Variants in EMX2 observed in about 807,000 individuals in gnomAD.
EMX2 encodes the protein empty spiracles homeobox 2.
A neutral mutation model predicts 23.0 loss-of-function variants in EMX2; 6 were observed. That is an observed-to-expected ratio of 0.26 (90% CI 0.14 to 0.52). The LOEUF is 0.52. EMX2 is among the 20% of genes least tolerant of loss of function. EMX2 has a pLI of 0.97. For missense variants in EMX2, 302 were observed against 341.4 expected (o/e 0.88, Z 0.91); for synonymous variants, 175 against 153.3 (o/e 1.14, Z -1.04).
intron 2 of EMX2, among the ~76,000 whole-genome samples, chr10:117,547,063 G>A (rs368846702): frequency 1.2e-3 from 180 of 152,322 alleles, no homozygotes; most frequent in African/African-American, 4.2e-3. Context: ...GTACACCACT[G>A]CTGTGAAGAT....
At chr10:117,544,831 G>A (rs543152640) in intron 1 of EMX2, 2 of 152,278 alleles carry the variant, frequency 1.3e-5, no homozygotes, top group South Asian at 4.2e-4. Flanking sequence ...AAACTCTGAG[G>A]CTTTGCTTGA....
Position 117,543,021 on chromosome 10 carries a change from A to T in EMX2, c.-247A>T. 5.3e-6 allele frequency: 2 copies of T among 379,614 alleles called. No individual in the cohort carries two copies. The highest frequency in any genetic ancestry group is 9.1e-6 in the Non-Finnish European group (2 of 218,618). 23.5% of individuals were successfully genotyped at this position (379,614 alleles called of 1,614,324 possible). Reference sequence around the variant, plus strand: ...TGGAAGGATTTTCCCCCCTCTCTTCAGGTTGGGCGCGTTTGGTGCAAGATT... The same window carrying T: ...TGGAAGGATTTTCCCCCCTCTCTTCTGGTTGGGCGCGTTTGGTGCAAGATT... On this transcript the variant is annotated 5_prime_UTR_variant, in exon 1 of 3. Coordinates refer to ENST00000553456, the MANE Select transcript of EMX2 (RefSeq NM_004098.4).
At chr10:117,546,165 G>C (rs1439662714) in intron 2 of EMX2, among the ~76,000 whole-genome samples, 1 of 152,180 alleles carries the variant, frequency 6.6e-6, no homozygotes, top group Non-Finnish European at 1.5e-5. Flanking sequence ...GCACAGTGGG[G>C]TTTCTGGGTG....
chr10:117,548,254 G>T lies in EMX2; in HGVS notation c.*22G>T. Reference sequence around the variant, plus strand: ...TTAAAAACATAAACCTAACCCCACAGAAACGGACAACATGGAGCAAAAGAG... The same window carrying T: ...TTAAAAACATAAACCTAACCCCACATAAACGGACAACATGGAGCAAAAGAG... On this transcript the variant is annotated 3_prime_UTR_variant, in exon 3 of 3. Coordinates refer to ENST00000553456, the MANE Select transcript of EMX2 (RefSeq NM_004098.4). The T allele has an allele frequency of 6.2e-7, 1 of 1,612,504 alleles. No individual in the cohort carries two copies. Among genetic ancestry groups the T allele is most frequent in the Non-Finnish European group, 8.5e-7 (1 of 1,179,298 alleles).
In EMX2 at chr10:117,542,929, A is replaced by G. The variant is rs866394286; in HGVS notation, c.-339A>G. 320 of 145,478 alleles carry G rather than the reference A, an allele frequency of 2.2e-3. 2 individuals carry two copies. Among genetic ancestry groups the G allele is most frequent in the African/African-American group, 8.1e-3 (293 of 36,040 alleles). The allele number at this position is 145,478 out of a possible 1,614,324, so 9.0% of individuals were successfully genotyped here. On this transcript the variant is annotated 5_prime_UTR_variant, in exon 1 of 3. Transcript: ENST00000553456. ...CCATCTCGCCAAAAAAAAAAAAAAAAAAAAAAAAGAAAAAAAAAGAAAAAA... is the reference window on the plus strand; with the variant it reads ...CCATCTCGCCAAAAAAAAAAAAAAAGAAAAAAAAGAAAAAAAAAGAAAAAA...
chr10:117,546,298 T>C (rs1051941568), intron 2 of EMX2, among the ~76,000 whole-genome samples: 28 of 152,060 alleles, frequency 1.8e-4, no homozygotes, highest in Admixed American at 1.7e-3. Flanking sequence ...GATGGGAAGG[T>C]AGAGGGCAAG....
Position 117,548,422 on chromosome 10 carries a change from A to G in EMX2, c.*190A>G. On this transcript the variant is annotated 3_prime_UTR_variant, in exon 3 of 3. Coordinates refer to ENST00000553456, the MANE Select transcript of EMX2 (RefSeq NM_004098.4). ...AGCGAGGGCACAGGGTCCCAAACCG[A>G]GGCCGCGCCAAGATGGCAGAGGATG... The G allele has an allele frequency of 1.1e-6, 1 of 876,874 alleles. No individual in the cohort carries two copies. Among genetic ancestry groups the G allele is most frequent in the South Asian group, 1.8e-5 (1 of 55,892 alleles). The allele number at this position is 876,874 out of a possible 1,614,324, so 54.3% of individuals were successfully genotyped here.
Position 117,545,633 on chromosome 10 carries a change from G to C in EMX2, c.408G>C (p.Gly136=), listed in dbSNP as rs1350852601. Residue 136 remains glycine (G), a splice_region_variant and synonymous_variant, in exon 2 of 3, where the codon GGG becomes GGC. Coordinates refer to ENST00000553456, the MANE Select transcript of EMX2 (RefSeq NM_004098.4). The part of the protein sequence containing the change: ...RYRYLGHRFQ[G]NDTSPESFLL... ...GGATTTCTGCTGTGCTCCCCGCAGG[G>C]AACGACACTAGCCCCGAGAGTTTCC... 1.2e-6 allele frequency: 2 copies of C among 1,613,794 alleles called. No individual in the cohort carries two copies. Among genetic ancestry groups the C allele is most frequent in the Non-Finnish European group, 1.7e-6 (2 of 1,179,998 alleles).
In EMX2 at chr10:117,543,443, C is replaced by A. The variant is rs1243726908; in HGVS notation, c.176C>A (p.Ala59Asp). Residue 59 changes from alanine to aspartate, a missense_variant, in exon 1 of 3, where the codon GCC (alanine) becomes GAC (aspartate). By Grantham distance (126) the Ala-to-Asp change is moderately radical (BLOSUM62 -2). This residue lies in a region of EMX2 where 221 missense variants were observed against 206.8 expected (regional missense o/e 1.07). Transcript: ENST00000553456. Reference sequence around the variant, plus strand: ...TTCCACTCGGCCGCCGCCGCCGCCGCCGGTAGGGGCGTCTACTCCAACCCG... The same window carrying A: ...TTCCACTCGGCCGCCGCCGCCGCCGACGGTAGGGGCGTCTACTCCAACCCG... Reference protein sequence around the residue: ...NGFHSAAAAAAGRGVYSNPDL... With the variant: ...NGFHSAAAAADGRGVYSNPDL... The A allele has an allele frequency of 1.2e-6, 2 of 1,606,198 alleles. No individual in the cohort carries two copies. Among genetic ancestry groups the A allele is most frequent in the African/African-American group, 2.7e-5 (2 of 74,646 alleles).
chr10:117,545,364 C>A (rs1310346048), intron 1 of EMX2: 3 of 370,910 alleles, frequency 8.1e-6, no homozygotes, highest in Non-Finnish European at 1.4e-5. Context: ...GGCTGCGGAG[C>A]CGGCCGAGGT....
At position 117,549,301 on chromosome 10, in the gene EMX2, T is replaced by C. The variant is rs1307358889; in HGVS notation, c.*1069T>C. ...ATCTATTGCAAAACCTGAAGGACTGTAGTTAGCGGGGATGATGTTAAGTGT... is the reference window on the plus strand; with the variant it reads ...ATCTATTGCAAAACCTGAAGGACTGCAGTTAGCGGGGATGATGTTAAGTGT... On this transcript the variant is annotated 3_prime_UTR_variant, in exon 3 of 3. Coordinates refer to ENST00000553456, the MANE Select transcript of EMX2 (RefSeq NM_004098.4). 1 of 152,566 alleles carries C rather than the reference T, an allele frequency of 6.6e-6. No homozygotes were observed. Among genetic ancestry groups the C allele is most frequent in the Non-Finnish European group, 1.5e-5 (1 of 68,036 alleles). The allele number at this position is 152,566 out of a possible 1,614,324, so 9.5% of individuals were successfully genotyped here.
Position 117,543,282 on chromosome 10 carries a change from G to C in EMX2, c.15G>C (p.Ala5=). ...CTCGGCGCAGCATGTTCCAGCCGGC[G>C]CCCAAGCGCTGCTTCACCATCGAGT... MFQP[A]PKRCFTIESL... The change falls in exon 1 of 3, where the codon GCG becomes GCC. Residue 5 remains alanine (A), a synonymous_variant. Transcript: ENST00000553456. 6.5e-7 allele frequency: 1 copy of C among 1,548,218 alleles called. No individual in the cohort carries two copies. Among genetic ancestry groups the C allele is most frequent in the Non-Finnish European group, 8.7e-7 (1 of 1,146,046 alleles).
chr10:117,543,972 C>T (rs937694152), intron 1 of EMX2, among the ~76,000 whole-genome samples: 4 of 152,210 alleles, frequency 2.6e-5, no homozygotes, highest in African/African-American at 9.6e-5. Context: ...GCTGTGCGTG[C>T]CCGGCGCCGC....
chr10:117,543,366 C>T lies in EMX2; in HGVS notation c.99C>T (p.Pro33=), dbSNP rs1366826717. The change falls in exon 1 of 3, where the codon CCC becomes CCT. Residue 33 remains proline, a synonymous_variant. Coordinates refer to ENST00000553456, the MANE Select transcript of EMX2 (RefSeq NM_004098.4). The stretch of plus-strand genomic sequence containing the variant: ...CGCGCTCCGAGGACCCCATCCGTCC[C>T]GCGGCACTCAGCTACGCTAACTCCA... ...PASRSEDPIR[P]AALSYANSSP... 2 of 1,568,724 alleles carry T rather than the reference C, an allele frequency of 1.3e-6. No individual in the cohort carries two copies. The highest frequency in any genetic ancestry group is 1.7e-6 in the Non-Finnish European group (2 of 1,157,734).
chr10:117,545,883 G>C, intron 2 of EMX2, 67 bp downstream of exon 2: 1 of 1,605,506 alleles, frequency 6.2e-7, no homozygotes, highest in Non-Finnish European at 8.5e-7. Flanking sequence ...TGGCTCCCAA[G>C]CACACCCATG....
chr10:117,546,474 G>T (rs913061016), intron 2 of EMX2, among the ~76,000 whole-genome samples: 1 of 152,146 alleles, frequency 6.6e-6, no homozygotes, highest in African/African-American at 2.4e-5. Context: ...TACTGTACAC[G>T]GAGCCGCAGG....
At chr10:117,543,714 C>G (rs1846532385) in intron 1 of EMX2, 41 bp downstream of exon 1, 6 of 1,613,108 alleles carry the variant, frequency 3.7e-6, no homozygotes, top group Non-Finnish European at 8.5e-7. Flanking sequence ...CCGCTCCCGC[C>G]GCATCCTTCA....
chr10:117,545,557 G>A, intron 1 of EMX2, 75 bp from the exon 2 acceptor site: 1 of 1,590,402 alleles, frequency 6.3e-7, no homozygotes, highest in African/African-American at 1.3e-5. Context: ...TGCCGGGCCA[G>A]CCCGGCTCGG....
chr10:117,543,731 C>A (rs1319654416), intron 1 of EMX2, 58 bp downstream of exon 1: 2 of 1,611,848 alleles, frequency 1.2e-6, no homozygotes, highest in Non-Finnish European at 8.5e-7. Flanking sequence ...TTCACTGCCC[C>A]CGGCCTGCTC....
Sources: gnomAD v4.1 joint callset for allele counts (sites outside exome capture counted in the v4.1 genomes callset) on GRCh38, gnomAD v4.1.1 for gene constraint, gnomAD v4.1.1 regional missense constraint, MANE v1.5 for transcripts, NCBI Gene and HGNC (gene_info 2026-07-23, HGNC 2026-07-21) for gene names.